Variants in SLC36A1 observed in about 807,000 individuals in gnomAD.
SLC36A1 encodes proton-coupled amino acid transporter 1.
SLC36A1 carries 30 observed loss-of-function variants against 47.5 expected under a neutral mutation model. The ratio of observed to expected loss-of-function variants is 0.63; its 90% CI spans 0.47 to 0.86. The LOEUF is 0.86. Among genes scored for constraint, SLC36A1 ranks in the 40% least tolerant of loss-of-function variants. The probability of loss-of-function intolerance (pLI) is 0.00; values close to 1 mark genes in which losing one functional copy is unlikely to be tolerated. For synonymous variants in SLC36A1, 255 were observed against 249.7 expected, an observed-to-expected ratio of 1.02 and a Z score of -0.20; for missense variants, 517 against 606.0, an observed-to-expected ratio of 0.85 and a Z score of 1.54.
chr5:151,434,599 A>G (rs892123275), upstream of SLC36A1, among the ~76,000 whole-genome samples: 1 of 152,182 alleles, frequency 6.6e-6, no homozygotes, highest in Non-Finnish European at 1.5e-5. Flanking sequence ...TGAAAGACCT[A>G]AATATATCCT....
the SLC36A1 span, among the ~76,000 whole-genome samples, chr5:151,388,854 A>C: frequency 3.0e-4 from 46 of 152,312 alleles, 1 homozygote; most frequent in South Asian, 8.1e-3. Flanking sequence ...TGCCTCATCT[A>C]TAAAATGCAG....
chr5:151,498,647 G>A, the SLC36A1 span, among the ~76,000 whole-genome samples: 1 of 152,116 alleles, frequency 6.6e-6, no homozygotes, highest in Admixed American at 6.5e-5. Context: ...TTTGACTCCA[G>A]CCTGCTTTGC....
chr5:151,423,849 T>C, the SLC36A1 span, among the ~76,000 whole-genome samples: 1 of 152,168 alleles, frequency 6.6e-6, no homozygotes, highest in African/African-American at 2.4e-5. Context: ...ACTGTGGTAG[T>C]GGATGTTGAT....
chr5:151,532,396 CACACA>C, the SLC36A1 span, among the ~76,000 whole-genome samples: 3 of 35,180 alleles, frequency 8.5e-5, no homozygotes, highest in African/African-American at 2.1e-4. Context: ...CAAACACACA[CACACA>C]CACACACACA....
chr5:151,529,081 A>G, the SLC36A1 span: 1 of 1,041,636 alleles, frequency 9.6e-7, no homozygotes, highest in Admixed American at 1.9e-5. Flanking sequence ...TTAACTTAAT[A>G]AACTAATCCA....
the SLC36A1 span, chr5:151,550,571 G>T: frequency 6.2e-7 from 1 of 1,613,274 alleles, no homozygotes; most frequent in African/African-American, 1.3e-5. Flanking sequence ...ATTCTCACCA[G>T]ATTTTTCCAT....
chr5:151,502,368 C>G, the SLC36A1 span, among the ~76,000 whole-genome samples: 1 of 147,850 alleles, frequency 6.8e-6, no homozygotes, highest in South Asian at 2.1e-4. Flanking sequence ...GAAGACAAGG[C>G]ACAGACTGAG....
intron 2 of SLC36A1, among the ~76,000 whole-genome samples, chr5:151,460,413 A>G (rs1472061036): frequency 6.6e-6 from 1 of 152,188 alleles, no homozygotes; most frequent in Non-Finnish European, 1.5e-5. Flanking sequence ...TTTGGACAAA[A>G]TTATGTCCTT....
At chr5:151,512,313 G>T in the SLC36A1 span, 1 of 1,614,184 alleles carries the variant, frequency 6.2e-7, no homozygotes, top group African/African-American at 1.3e-5. This position sits in a 1 kb window ranked among gnomAD's most constrained non-coding sequence, Gnocchi z 4.1. Context: ...GAGCCTCTTC[G>T]TTGACCACGA....
At position 151,491,800 on chromosome 5, in the gene SLC36A1, T is replaced by C. The variant is rs1240581244; in HGVS notation, c.*3546T>C. On this transcript the variant is annotated 3_prime_UTR_variant, in exon 11 of 11. Coordinates refer to ENST00000243389, the MANE Select transcript of SLC36A1 (RefSeq NM_078483.4). ...ACTTGAGGTTGGCTTCCACTCTGCCTTAGAAGTTAATTTTCCAAAGTACAT... is the reference window on the plus strand; with the variant it reads ...ACTTGAGGTTGGCTTCCACTCTGCCCTAGAAGTTAATTTTCCAAAGTACAT... 5.9e-5 allele frequency: 9 copies of C among 152,504 alleles called. No homozygotes were observed. The highest frequency in any genetic ancestry group is 5.9e-4 in the Admixed American group (9 of 15,278). The allele number at this position is 152,504 out of a possible 1,614,324, so 9.4% of individuals were successfully genotyped here.
At chr5:151,413,821 A>G in the SLC36A1 span, among the ~76,000 whole-genome samples, 6 of 152,078 alleles carry the variant, frequency 3.9e-5, no homozygotes, top group African/African-American at 1.4e-4. Context: ...TCATTTCGGA[A>G]AGGTATATTA....
At chr5:151,549,478 T>G in the SLC36A1 span, 1 of 1,614,178 alleles carries the variant, frequency 6.2e-7, no homozygotes. Flanking sequence ...ACGAAGTTCC[T>G]CTTGATAGGT....
the SLC36A1 span, chr5:151,544,529 C>T: frequency 6.2e-7 from 1 of 1,613,970 alleles, no homozygotes; most frequent in Non-Finnish European, 8.5e-7. Context: ...AGCCGGAGTC[C>T]CTCTGGACTC....
At chr5:151,368,044 A>G in the SLC36A1 span, among the ~76,000 whole-genome samples, 3 of 152,332 alleles carry the variant, frequency 2.0e-5, no homozygotes, top group South Asian at 6.2e-4. Context: ...ACTAGGCCAA[A>G]TTATACAACC....
At chr5:151,452,860 A>G (rs1423949387) in intron 1 of SLC36A1, among the ~76,000 whole-genome samples, 2 of 146,160 alleles carry the variant, frequency 1.4e-5, no homozygotes. Context: ...ACAGAGGGAG[A>G]CACCATCTCA....
chr5:151,501,111 G>A, the SLC36A1 span, among the ~76,000 whole-genome samples: 1 of 152,226 alleles, frequency 6.6e-6, no homozygotes, highest in Non-Finnish European at 1.5e-5. Flanking sequence ...TGAGACCTCA[G>A]ACAAACCCTT....
intron 10 of SLC36A1, among the ~76,000 whole-genome samples, chr5:151,483,701 G>A (rs972008292): frequency 6.6e-6 from 1 of 152,166 alleles, no homozygotes; most frequent in Non-Finnish European, 1.5e-5. Flanking sequence ...GTTAGTTAAA[G>A]TCATTTTCCA....
chr5:151,455,640 G>A (rs551881492), intron 1 of SLC36A1, among the ~76,000 whole-genome samples: 2 of 152,198 alleles, frequency 1.3e-5, no homozygotes, highest in South Asian at 2.1e-4. Context: ...TAATATATAG[G>A]TGTCAACCTA....
chr5:151,360,268 G>A, the SLC36A1 span, among the ~76,000 whole-genome samples: 1 of 152,010 alleles, frequency 6.6e-6, no homozygotes, highest in Non-Finnish European at 1.5e-5. Context: ...ACTATTTACT[G>A]GAAACCTTAC....
Sources: gnomAD v4.1 joint callset for allele counts (sites outside exome capture counted in the v4.1 genomes callset) on GRCh38, gnomAD v4.1.1 for gene constraint, Gnocchi (gnomAD v3.1) non-coding constraint, MANE v1.5 for transcripts, NCBI Gene and HGNC (gene_info 2026-07-23, HGNC 2026-07-21) for gene names.